The following HERPUD1 variants were observed in gnomAD, a reference collection of about 807,000 sequenced individuals.
HERPUD1 encodes homocysteine-responsive endoplasmic reticulum-resident ubiquitin-like domain member 1 protein.
HERPUD1 carries 17 observed loss-of-function variants against 45.0 expected under a neutral mutation model. That is an observed-to-expected ratio of 0.38 (90% confidence interval 0.26 to 0.57). HERPUD1 has a LOEUF of 0.57. Ranked by LOEUF, HERPUD1 falls within the 20% of genes least tolerant of loss-of-function variation. The probability of loss-of-function intolerance (pLI) is 0.72; values close to 1 mark genes in which losing one functional copy is unlikely to be tolerated. For synonymous variants in HERPUD1, 164 were observed against 177.5 expected (o/e 0.92, Z 0.61); for missense variants, 420 against 490.5 (o/e 0.86, Z 1.36).
rs1457425862 is a variant in HERPUD1, at chr16:56,943,401, T to C, written c.*111T>C. ...GCAATGATGAGTTTTTAAAAAACAG[T>C]GTGGATGATGATATGCTTTTGTGAG... On this transcript the variant is annotated 3_prime_UTR_variant, in exon 8 of 8. Transcript: ENST00000439977. 1.6e-6 allele frequency: 2 copies of C among 1,224,086 alleles called. No individual in the cohort carries two copies. Among genetic ancestry groups the C allele is most frequent in the Non-Finnish European group, 2.4e-6 (2 of 829,492 alleles). 75.8% of individuals were successfully genotyped at this position (1,224,086 alleles called of 1,614,324 possible). A position where few individuals can be genotyped will look rare whatever the true frequency, so the allele number is the denominator to read the frequency against.
Position 56,940,138 on chromosome 16 carries a change from T to C in HERPUD1, c.798T>C (p.Asp266=), listed in dbSNP as rs773291327. 6.2e-7 allele frequency: 1 copy of C among 1,614,188 alleles called. No homozygotes were observed. The highest frequency in any genetic ancestry group is 2.2e-5 in the East Asian group (1 of 44,892). The change falls in exon 6 of 8, where the codon GAT becomes GAC. Residue 266 remains aspartate (D), a synonymous_variant. Coordinates refer to ENST00000439977, the MANE Select transcript of HERPUD1 (RefSeq NM_014685.4). Reference sequence around the variant, plus strand: ...ATGAAATAAATCGAGATTGGTTGGATTGGACCTATTCAGCAGCTACATTTT... The same window carrying C: ...ATGAAATAAATCGAGATTGGTTGGACTGGACCTATTCAGCAGCTACATTTT... ...EDDEINRDWL[D]WTYSAATFSV...
In HERPUD1 at chr16:56,943,250, C is replaced by T; in HGVS notation, c.1136C>T (p.Ala379Val). 6.2e-7 allele frequency: 1 copy of T among 1,614,166 alleles called. No individual in the cohort carries two copies. Residue 379 changes from alanine (A) to valine (V), a missense_variant, in exon 8 of 8, where the codon GCC (alanine) becomes GTC (valine). Ala to Val is a moderately conservative substitution (Grantham distance 64). Coordinates refer to ENST00000439977, the MANE Select transcript of HERPUD1 (RefSeq NM_014685.4). The stretch of plus-strand genomic sequence containing the variant: ...TGGCTTGTCTTCAAGACTTTCTTTG[C>T]CTCTCTTCTTCCAGAAGGCCCCCCA... ...TAWLVFKTFF[A>V]SLLPEGPPAI...
chr16:56,942,991 C>T, intron 7 of HERPUD1, 135 bp from the exon 8 acceptor site: 2 of 829,126 alleles, frequency 2.4e-6, no homozygotes, highest in East Asian at 2.4e-5. Context: ...TCCCTGGGGT[C>T]CTGGCTGCCT....
At chr16:56,940,818 C>G (rs1286200911) in intron 6 of HERPUD1, 1 of 152,004 alleles carries the variant, frequency 6.6e-6, no homozygotes, top group Non-Finnish European at 1.5e-5. Flanking sequence ...AAAAAATTAG[C>G]CGGGTGTGGT....
intron 1 of HERPUD1, chr16:56,934,974 A>G: frequency 2.6e-6 from 1 of 386,848 alleles, no homozygotes; most frequent in Non-Finnish European, 4.9e-6. Flanking sequence ...GGCCTCCCAC[A>G]GTGCTTGGAT....
chr16:56,936,917 TTTAAAC>T, intron 4 of HERPUD1, 100 bp downstream of exon 4: 1 of 1,299,992 alleles, frequency 7.7e-7, no homozygotes, highest in Non-Finnish European at 1.0e-6. Context: ...AATCAGAACT[TTTAAAC>T]ATACAGAATT....
At position 56,943,569 on chromosome 16, in the gene HERPUD1, G is replaced by A. The variant is rs751632314; in HGVS notation, c.*279G>A. The A allele has an allele frequency of 4.1e-6, 2 of 490,176 alleles. No individual in the cohort carries two copies. The highest frequency in any genetic ancestry group is 2.1e-5 in the South Asian group (1 of 47,454). 30.4% of individuals were successfully genotyped at this position (490,176 alleles called of 1,614,324 possible). On this transcript the variant is annotated 3_prime_UTR_variant, in exon 8 of 8. Coordinates refer to ENST00000439977, the MANE Select transcript of HERPUD1 (RefSeq NM_014685.4). ...CTGTACGTAGAAGGCCTTAGGTGTT[G>A]CATGTCTATGCTTGAGGAACTTTTC...
At position 56,942,161 on chromosome 16, in the gene HERPUD1, C is replaced by T. The variant is rs765188589; in HGVS notation, c.935C>T (p.Pro312Leu). The T allele has an allele frequency of 1.8e-5, 29 of 1,613,828 alleles. No homozygotes were observed. The highest frequency in any genetic ancestry group is 4.0e-5 in the African/African-American group (3 of 74,888). The change falls in exon 7 of 8, where the codon CCG becomes CTG. Residue 312 changes from proline (P) to leucine (L), a missense_variant. Transcript: ENST00000439977. ...CACGTTGGGTGGTTTCCATTTAGACCGAGGCCGGTTCAGAACTTCCCAAAT... is the reference window on the plus strand; with the variant it reads ...CACGTTGGGTGGTTTCCATTTAGACTGAGGCCGGTTCAGAACTTCCCAAAT... ...LHHVGWFPFR[P>L]RPVQNFPNDG...
chr16:56,935,132 A>G (rs1567459475), intron 1 of HERPUD1, 103 bp from the exon 2 acceptor site: 3 of 760,524 alleles, frequency 3.9e-6, no homozygotes, highest in East Asian at 5.2e-5. Flanking sequence ...TGCTGGGGGG[A>G]AACACACATA....
chr16:56,937,318 T>C (rs1241884134), intron 4 of HERPUD1: 1 of 152,256 alleles, frequency 6.6e-6, no homozygotes, highest in Admixed American at 6.5e-5. Flanking sequence ...CAGAACTAAA[T>C]GCTCTGTTAT....
intron 6 of HERPUD1, 77 bp downstream of exon 6, chr16:56,940,322 T>C: frequency 9.2e-7 from 1 of 1,084,776 alleles, no homozygotes; most frequent in Non-Finnish European, 1.3e-6. Context: ...TTTTGTTTCT[T>C]GTTTTTTTTG....
rs565514528 is a variant in HERPUD1 at position 56,940,391 on chromosome 16, C to T, written c.905+146C>T. ...TACAATGGCACAATCACTGCAATCT[C>T]CGCTTCCCAGGTTCAAGCGATTCTC... On this transcript the variant is annotated intron_variant, in intron 6 of 7. Coordinates refer to ENST00000439977, the MANE Select transcript of HERPUD1 (RefSeq NM_014685.4). 9 of 631,732 alleles carry T rather than the reference C, an allele frequency of 1.4e-5. No homozygotes were observed. The South Asian group carries it at 1.6e-4, about 11-fold the overall frequency. The allele number at this position is 631,732 out of a possible 1,614,324, so 39.1% of individuals were successfully genotyped here. A position where few individuals can be genotyped will look rare whatever the true frequency, so the allele number is the denominator to read the frequency against.
chr16:56,936,949 C>A, intron 4 of HERPUD1, 132 bp downstream of exon 4: 1 of 954,006 alleles, frequency 1.0e-6, no homozygotes, highest in Non-Finnish European at 1.5e-6. Flanking sequence ...TTATAAATAG[C>A]TTCGCTTTAA....
At chr16:56,933,779 CTCAATA>C (rs1468966550) in intron 1 of HERPUD1, among the ~76,000 whole-genome samples, 1 of 152,158 alleles carries the variant, frequency 6.6e-6, no homozygotes, top group Non-Finnish European at 1.5e-5. Flanking sequence ...TGTGTGAAGA[CTCAATA>C]TCAAGTTAGG....
At chr16:56,938,744 G>A (rs771886978) in intron 4 of HERPUD1, among the ~76,000 whole-genome samples, 3 of 152,092 alleles carry the variant, frequency 2.0e-5, no homozygotes, top group Non-Finnish European at 2.9e-5. Context: ...AGGACCCCCG[G>A]TGGTCAGTAA....
At position 56,932,394 on chromosome 16, in the gene HERPUD1, G is replaced by A; in HGVS notation, c.147+3G>A. The A allele has an allele frequency of 1.3e-6, 2 of 1,576,350 alleles. No homozygotes were observed. The highest frequency in any genetic ancestry group is 1.7e-6 in the Non-Finnish European group (2 of 1,165,894). Reference sequence around the variant, plus strand: ...GCCGCGTCTACCCCGAGCGTCCGGTGAGAGCGGCCCCGACTTCCCGCCCCT... The same window carrying A: ...GCCGCGTCTACCCCGAGCGTCCGGTAAGAGCGGCCCCGACTTCCCGCCCCT... On this transcript the variant is annotated splice_donor_region_variant and intron_variant, in intron 1 of 7. Coordinates refer to ENST00000439977, the MANE Select transcript of HERPUD1 (RefSeq NM_014685.4).
rs746257508 is a variant in HERPUD1, at chr16:56,932,171, G to T, written c.-74G>T. 102 of 1,567,048 alleles carry T rather than the reference G, an allele frequency of 6.5e-5. No homozygotes were observed. In the African/African-American group the frequency reaches 1.1e-3, roughly 17 times the overall value. On this transcript the variant is annotated 5_prime_UTR_variant, in exon 1 of 8. Coordinates refer to ENST00000439977, the MANE Select transcript of HERPUD1 (RefSeq NM_014685.4). Reference sequence around the variant, plus strand: ...CAGAGACGTGAACTGTCGTTGCAGAGATTGCGGGCGGCTGAGACGCCGCCT... The same window carrying T: ...CAGAGACGTGAACTGTCGTTGCAGATATTGCGGGCGGCTGAGACGCCGCCT...
At chr16:56,938,439 C>T (rs573886602) in intron 4 of HERPUD1, among the ~76,000 whole-genome samples, 11 of 151,986 alleles carry the variant, frequency 7.2e-5, no homozygotes, top group South Asian at 2.1e-4. Context: ...GGCGTGTGCC[C>T]GTAGTCCCAG....
In HERPUD1 at chr16:56,944,386, G is replaced by A. The variant is rs577832265; in HGVS notation, c.*1096G>A. ...TCACCAGCTCAAATTTCATGCTTTT[G>A]TAAGCTGAGCTTATGTTTGTGATTT... On this transcript the variant is annotated 3_prime_UTR_variant, in exon 8 of 8. Transcript: ENST00000439977. 8 of 152,122 alleles carry A rather than the reference G, an allele frequency of 5.3e-5. No individual in the cohort carries two copies. Among genetic ancestry groups the A allele is most frequent in the Non-Finnish European group, 1.2e-4 (8 of 68,016 alleles). The allele number at this position is 152,122 out of a possible 1,614,324, so 9.4% of individuals were successfully genotyped here.
Sources: allele counts gnomAD v4.1 joint callset (sites outside exome capture counted in the v4.1 genomes callset), GRCh38; gene constraint gnomAD v4.1.1; transcripts MANE v1.5; gene names NCBI Gene and HGNC (gene_info 2026-07-23, HGNC 2026-07-21).